The following CPLANE1 variants were observed in gnomAD, a reference collection of about 807,000 sequenced individuals.
The protein encoded by CPLANE1 is ciliogenesis and planar polarity effector 1.
A neutral mutation model predicts 362.5 loss-of-function variants in CPLANE1; 263 were observed. The ratio of observed to expected loss-of-function variants is 0.73; its 90% confidence interval spans 0.66 to 0.80. The LOEUF is 0.80. Ranked by LOEUF, CPLANE1 falls within the 30% of genes least tolerant of loss-of-function variation. The pLI is 0.00. For missense variants in CPLANE1, 3,461 were observed against 3,793.4 expected, an observed-to-expected ratio of 0.91 and a Z score of 2.30; for synonymous variants, 1,212 against 1,302.6, an observed-to-expected ratio of 0.93 and a Z score of 1.50.
Position 37,157,841 on chromosome 5 carries a change from C to T in CPLANE1, c.7840G>A (p.Asp2614Asn). 7.0e-7 allele frequency: 1 copy of T among 1,428,180 alleles called. No homozygotes were observed. 88.5% of individuals were successfully genotyped at this position (1,428,180 alleles called of 1,614,324 possible). ...LVGHTYINVI[D>N]IEANDLLQEL... Reference sequence around the variant, plus strand: ...TGTAGAAGATCATTAGCTTCAATGTCAATCACATTTATATAAGTATGTCCA... The same window carrying T: ...TGTAGAAGATCATTAGCTTCAATGTTAATCACATTTATATAAGTATGTCCA... Residue 2614 changes from aspartate to asparagine, a missense_variant, in exon 40 of 53, where the codon GAC (aspartate) becomes AAC (asparagine). Physicochemically the swap from Asp to Asn is conservative, Grantham distance 23. Coordinates refer to ENST00000651892, the MANE Select transcript of CPLANE1 (RefSeq NM_001384732.1).
In CPLANE1 at chr5:37,147,971, C is replaced by CAAAAAA. The variant is rs11284644; in HGVS notation, c.8461+204_8461+209dup. ...AATCCAGAGGAGGTTACTGCCTTCT[C>CAAAAAA]AAAAAAAAAAAAAAAAAAAAAAAAA... On this transcript the variant is annotated intron_variant, in intron 43 of 52. Coordinates refer to ENST00000651892, the MANE Select transcript of CPLANE1 (RefSeq NM_001384732.1). Among the ~76,000 whole-genome samples the CAAAAAA allele has an allele frequency of 1.5e-3, 23 of 15,316 alleles. 3 individuals carry two copies. The highest frequency in any genetic ancestry group is 2.8e-3 in the African/African-American group (21 of 7,504). The allele number at this position is 15,316 out of a possible 152,430, so 10.0% of individuals were successfully genotyped here.
chr5:37,170,233 C>T lies in CPLANE1; in HGVS notation c.6270G>A (p.Val2090=), dbSNP rs1404016889. ...TQQLVQQSQS[V]HLGESQESNL... Reference sequence around the variant, plus strand: ...TTGATTCTTGGCTTTCCCCTAAATGCACAGACTGAGACTGCTGTACAAGTT... The same window carrying T: ...TTGATTCTTGGCTTTCCCCTAAATGTACAGACTGAGACTGCTGTACAAGTT... The change falls in exon 33 of 53, where the codon GTG becomes GTA. Residue 2090 remains valine (V), a synonymous_variant. Coordinates refer to ENST00000651892, the MANE Select transcript of CPLANE1 (RefSeq NM_001384732.1). The T allele has an allele frequency of 1.2e-6, 2 of 1,613,982 alleles. No homozygotes were observed. The highest frequency in any genetic ancestry group is 1.7e-5 in the Admixed American group (1 of 59,996).
At position 37,108,330 on chromosome 5, in the gene CPLANE1, T is replaced by G. The variant is rs144698212; in HGVS notation, c.9542A>C (p.His3181Pro). 2 of 1,614,210 alleles carry G rather than the reference T, an allele frequency of 1.2e-6. No individual in the cohort carries two copies. The highest frequency in any genetic ancestry group is 1.7e-4 in the Middle Eastern group (1 of 6,060). ...VSPWTIPSEI[H>P]KILHESHNSL... ...ATTGTGACTCTCATGAAGAATCTTA[T>G]GGATTTCTGAAGGTATCGTCCAGGG... Residue 3181 changes from histidine to proline, a missense_variant, in exon 52 of 53, where the codon CAT becomes CCT. This residue lies in a region of CPLANE1 where 81 missense variants were observed against 127.3 expected (regional missense o/e 0.64). Coordinates refer to ENST00000651892, the MANE Select transcript of CPLANE1 (RefSeq NM_001384732.1).
At chr5:37,118,575 A>C (rs912803328) in intron 50 of CPLANE1, among the ~76,000 whole-genome samples, 9 of 152,128 alleles carry the variant, frequency 5.9e-5, no homozygotes, top group African/African-American at 2.2e-4. Context: ...ACCACTTCCT[A>C]GTTGTATGAT....
At chr5:37,203,789 A>T (rs1789900363) in intron 18 of CPLANE1, among the ~76,000 whole-genome samples, 1 of 152,190 alleles carries the variant, frequency 6.6e-6, no homozygotes, top group Non-Finnish European at 1.5e-5. Flanking sequence ...AAGCATTGAG[A>T]TTACAGGCAT....
At chr5:37,171,819 C>T (rs1779895016) in intron 32 of CPLANE1, among the ~76,000 whole-genome samples, 1 of 151,632 alleles carries the variant, frequency 6.6e-6, no homozygotes, top group African/African-American at 2.4e-5. Context: ...CAAGGTCTCA[C>T]CCTGCTACCC....
chr5:37,163,101 A>G (rs1355756646), intron 37 of CPLANE1, among the ~76,000 whole-genome samples: 1 of 152,248 alleles, frequency 6.6e-6, no homozygotes, highest in Admixed American at 6.5e-5. Flanking sequence ...TCTTCTGGCT[A>G]ATGAAGATCC....
chr5:37,203,761 G>C (rs1789890768), intron 18 of CPLANE1, among the ~76,000 whole-genome samples: 1 of 152,136 alleles, frequency 6.6e-6, no homozygotes, highest in Non-Finnish European at 1.5e-5. Context: ...CAAGTGATCT[G>C]CTGGCCTTAG....
chr5:37,210,881 T>G (rs1481134587), intron 16 of CPLANE1: 1 of 791,452 alleles, frequency 1.3e-6, no homozygotes, highest in African/African-American at 1.7e-5. Flanking sequence ...GCAAACAAGC[T>G]CTGCACAAAC....
intron 43 of CPLANE1, among the ~76,000 whole-genome samples, chr5:37,147,248 T>C (rs1172229004): frequency 6.6e-6 from 1 of 152,158 alleles, no homozygotes; most frequent in Non-Finnish European, 1.5e-5. Context: ...AAACTGACTA[T>C]CCTCAGCCAC....
chr5:37,146,469 G>A (rs116388080), intron 43 of CPLANE1, among the ~76,000 whole-genome samples: 2,620 of 152,240 alleles, frequency 0.017, 59 homozygotes, highest in African/African-American at 0.052. Flanking sequence ...GAGCCACCAC[G>A]CCCGGCCTAA....
intron 27 of CPLANE1, 74 bp from the exon 28 acceptor site, chr5:37,180,257 T>G (rs1782304777): frequency 1.9e-6 from 2 of 1,059,000 alleles, no homozygotes; most frequent in Admixed American, 7.1e-5. Context: ...GGGTTTTTTT[T>G]TTGTTTTTTT....
At chr5:37,108,604 A>T in intron 51 of CPLANE1, 133 bp from the exon 52 acceptor site, 1 of 832,134 alleles carries the variant, frequency 1.2e-6, no homozygotes, top group South Asian at 1.9e-5. Context: ...CAAGGTCTGG[A>T]AATGGTTCAC....
chr5:37,198,853 T>C lies in CPLANE1; in HGVS notation c.3521A>G (p.Asp1174Gly). ...ATTTTTTTCAGCTTTTAAAAGAAGA[T>C]CATCACCATCTTCCTGAGGAAAATA... The part of the protein sequence containing the change: ...PAILSEEDGD[D>G]LLLKAEKNNR... Residue 1174 changes from aspartate to glycine, a missense_variant, in exon 20 of 53, where the codon GAT becomes GGT. By Grantham distance (94) the Asp-to-Gly change is moderately conservative. Coordinates refer to ENST00000651892, the MANE Select transcript of CPLANE1 (RefSeq NM_001384732.1). 1 of 1,613,742 alleles carries C rather than the reference T, an allele frequency of 6.2e-7. No individual in the cohort carries two copies. The highest frequency in any genetic ancestry group is 8.5e-7 in the Non-Finnish European group (1 of 1,179,856).
intron 48 of CPLANE1, among the ~76,000 whole-genome samples, chr5:37,122,147 T>A (rs1762838521): frequency 6.6e-6 from 1 of 152,226 alleles, no homozygotes; most frequent in Admixed American, 6.5e-5. Context: ...CTTGTAGTTA[T>A]GGTCTCTGGA....
In CPLANE1 at chr5:37,239,807, T is replaced by G; in HGVS notation, c.740A>C (p.Lys247Thr). 1 of 1,545,708 alleles carries G rather than the reference T, an allele frequency of 6.5e-7. No individual in the cohort carries two copies. The highest frequency in any genetic ancestry group is 8.7e-7 in the Non-Finnish European group (1 of 1,143,484). Residue 247 changes from lysine (K) to threonine (T), a missense_variant, in exon 7 of 53, where the codon AAA becomes ACA. Transcript: ENST00000651892. Reference sequence around the variant, plus strand: ...TCCTCTTGACTTTACTGATTCACATTTAGGAATTAAACTACAGAGATGACA... The same window carrying G: ...TCCTCTTGACTTTACTGATTCACATGTAGGAATTAAACTACAGAGATGACA... ...QDCHLCSLIP[K>T]CESVKSRGAL...
chr5:37,172,405 A>C, intron 32 of CPLANE1, among the ~76,000 whole-genome samples: 1 of 152,238 alleles, frequency 6.6e-6, no homozygotes, highest in East Asian at 1.9e-4. Flanking sequence ...GAAAGAAGGC[A>C]AAGATGACTT....
In CPLANE1 at chr5:37,184,783, T is replaced by G; in HGVS notation, c.4481+5A>C. On this transcript the variant is annotated splice_donor_5th_base_variant and intron_variant, in intron 25 of 52. Coordinates refer to ENST00000651892, the MANE Select transcript of CPLANE1 (RefSeq NM_001384732.1). The stretch of plus-strand genomic sequence containing the variant: ...ATGCCAGTGATTAAAAGATCTCAAT[T>G]GTACCTTTGATAGATATTTATCCTA... 1 of 1,604,678 alleles carries G rather than the reference T, an allele frequency of 6.2e-7. No homozygotes were observed. Among genetic ancestry groups the G allele is most frequent in the Non-Finnish European group, 8.5e-7 (1 of 1,175,816 alleles).
intron 6 of CPLANE1, among the ~76,000 whole-genome samples, chr5:37,240,597 C>T (rs1298291956): frequency 1.3e-5 from 2 of 152,152 alleles, no homozygotes; most frequent in African/African-American, 4.8e-5. Context: ...TTACTGTAAG[C>T]AGAACACCAA....
Sources: allele counts gnomAD v4.1 joint callset (sites outside exome capture counted in the v4.1 genomes callset), GRCh38; gene constraint gnomAD v4.1.1; regional missense constraint gnomAD v4.1.1; transcripts MANE v1.5; gene names NCBI Gene and HGNC (gene_info 2026-07-23, HGNC 2026-07-21).